Variants in FBP1 observed in about 807,000 individuals in gnomAD.
FBP1 encodes fructose-bisphosphatase 1, also known as fructose-1,6-bisphosphatase 1.
In FBP1, 22 loss-of-function variants were observed where a neutral mutation model predicts 29.9. That is an observed-to-expected ratio of 0.74 (90% CI 0.53 to 1.05). The LOEUF (loss-of-function observed/expected upper bound fraction) is 1.05. Among genes scored for constraint, FBP1 ranks in the 50% least tolerant of loss-of-function variants. FBP1 has a pLI of 0.00. For synonymous variants in FBP1, 175 were observed against 178.6 expected (o/e 0.98, Z 0.16); for missense variants, 345 against 448.2 (o/e 0.77, Z 2.08).
rs542439801 is a variant in FBP1, at chr9:94,603,914, T to C, written c.826-342A>G. 714 of 363,228 alleles carry C rather than the reference T, an allele frequency of 2.0e-3. 17 individuals carry two copies. The highest frequency in any genetic ancestry group is 0.015 in the South Asian group (688 of 45,314). 22.5% of individuals were successfully genotyped at this position (363,228 alleles called of 1,614,324 possible). A position where few individuals can be genotyped will look rare whatever the true frequency, so the allele number is the denominator to read the frequency against. On this transcript the variant is annotated intron_variant, in intron 6 of 6. Coordinates refer to ENST00000375326, the MANE Select transcript of FBP1 (RefSeq NM_000507.4). The stretch of plus-strand genomic sequence containing the variant: ...TACCATGGAAACTGGACTTAATGAG[T>C]GATTCTGTGTGTGTTGGATGGAGCT...
intron 2 of FBP1, among the ~76,000 whole-genome samples, chr9:94,618,573 A>C (rs1827898002): frequency 6.6e-6 from 1 of 151,440 alleles, no homozygotes; most frequent in African/African-American, 2.4e-5. Flanking sequence ...TTGAGCCAGG[A>C]GTTCGAGGCT....
chr9:94,637,167 T>G (rs962793615), intron 1 of FBP1, among the ~76,000 whole-genome samples: 1 of 152,192 alleles, frequency 6.6e-6, no homozygotes, highest in Non-Finnish European at 1.5e-5. Flanking sequence ...GTCATCACCT[T>G]CCTTAACATG....
At chr9:94,618,520 C>A (rs1481195476) in intron 2 of FBP1, among the ~76,000 whole-genome samples, 1 of 146,856 alleles carries the variant, frequency 6.8e-6, no homozygotes, top group Non-Finnish European at 1.5e-5. Context: ...TGCTGCACAT[C>A]TGTAGTCCCA....
intron 3 of FBP1, among the ~76,000 whole-genome samples, chr9:94,611,576 G>A (rs1827786256): frequency 6.6e-6 from 1 of 152,098 alleles, no homozygotes; most frequent in Non-Finnish European, 1.5e-5. Context: ...AACACTGGGA[G>A]ACCCCATCTC....
At position 94,639,402 on chromosome 9, in the gene FBP1, CGCAGGTGCGGAGCTGCAGGTGCGGGCG is replaced by C; in HGVS notation, c.-119_-93del. Reference sequence around the variant, plus strand: ...GCAAGAGAGGGCAGTAGGCACTGGCCGCAGGTGCGGAGCTGCAGGTGCGGGCGGCAGGTGCGGGCCGCGGGACCTGGC... The same window carrying C: ...GCAAGAGAGGGCAGTAGGCACTGGCCGCAGGTGCGGGCCGCGGGACCTGGC... On this transcript the variant is annotated 5_prime_UTR_variant, in exon 1 of 7. Transcript: ENST00000375326. 1 of 1,432,556 alleles carries C rather than the reference CGCAGGTGCGGAGCTGCAGGTGCGGGCG, an allele frequency of 7.0e-7. No homozygotes were observed. The highest frequency in any genetic ancestry group is 9.6e-7 in the Non-Finnish European group (1 of 1,042,140). The allele number at this position is 1,432,556 out of a possible 1,614,324, so 88.7% of individuals were successfully genotyped here.
upstream of FBP1, chr9:94,639,607 C>A: frequency 1.9e-6 from 1 of 513,856 alleles, no homozygotes; most frequent in Non-Finnish European, 3.5e-6. Context: ...GCCTACCCCG[C>A]GGACCAGACC....
At chr9:94,628,112 C>T (rs1328975613) in intron 1 of FBP1, among the ~76,000 whole-genome samples, 1 of 152,222 alleles carries the variant, frequency 6.6e-6, no homozygotes, top group African/African-American at 2.4e-5. Context: ...GGTGGCCAGA[C>T]ACAGTGGCTC....
chr9:94,634,301 A>AC (rs1828158479), intron 1 of FBP1, among the ~76,000 whole-genome samples: 1 of 150,416 alleles, frequency 6.6e-6, no homozygotes, highest in African/African-American at 2.4e-5. Context: ...CTCAAAAAAA[A>AC]AAAAAAGAAA....
intron 1 of FBP1, among the ~76,000 whole-genome samples, chr9:94,624,376 G>C (rs561968521): frequency 6.7e-6 from 1 of 148,266 alleles, no homozygotes; most frequent in African/African-American, 2.5e-5. Context: ...AAATGGGCCA[G>C]GCACGGTGGC....
At position 94,610,041 on chromosome 9, in the gene FBP1, A is replaced by T; in HGVS notation, c.447T>A (p.Ser149=). The part of the protein sequence containing the change: ...IYRKKSTDEP[S]EKDALQPGRN... Reference sequence around the variant, plus strand: ...GGCCTGGTTGCAGAGCATCCTTCTCAGAAGGCTCATCAGTTGATTTCTAGA... The same window carrying T: ...GGCCTGGTTGCAGAGCATCCTTCTCTGAAGGCTCATCAGTTGATTTCTAGA... Residue 149 remains serine, a synonymous_variant, in exon 4 of 7, where the codon TCT becomes TCA. Transcript: ENST00000375326. The T allele has an allele frequency of 6.2e-7, 1 of 1,614,168 alleles. No individual in the cohort carries two copies. Among genetic ancestry groups the T allele is most frequent in the Non-Finnish European group, 8.5e-7 (1 of 1,180,004 alleles).
intron 1 of FBP1, among the ~76,000 whole-genome samples, chr9:94,635,540 A>T (rs1344978123): frequency 6.6e-6 from 1 of 152,218 alleles, no homozygotes; most frequent in African/African-American, 2.4e-5. Flanking sequence ...AGCACTAACA[A>T]GATCTTTGCA....
rs1423911392 is a variant in FBP1, at chr9:94,617,899, T to C, written c.334-39A>G. Reference sequence around the variant, plus strand: ...AAAGAAATACAACCTTAAAATGTTATAGCAAGATACACTAAAGGAGTATAC... The same window carrying C: ...AAAGAAATACAACCTTAAAATGTTACAGCAAGATACACTAAAGGAGTATAC... On this transcript the variant is annotated intron_variant, in intron 2 of 6. Coordinates refer to ENST00000375326, the MANE Select transcript of FBP1 (RefSeq NM_000507.4). 5.5e-6 allele frequency: 8 copies of C among 1,466,026 alleles called. No individual in the cohort carries two copies. The Admixed American group carries it at 6.7e-5, about 12-fold the overall frequency. 90.8% of individuals were successfully genotyped at this position (1,466,026 alleles called of 1,614,324 possible).
At chr9:94,610,866 CT>C (rs5899227) in intron 3 of FBP1, among the ~76,000 whole-genome samples, 8,568 of 143,778 alleles carry the variant, frequency 0.06, 796 homozygotes, top group African/African-American at 0.2. Flanking sequence ...TGATTTTCTT[CT>C]TTTTTTTTTT....
chr9:94,620,212 G>A (rs1483521542), intron 2 of FBP1, 117 bp downstream of exon 2: 3 of 998,900 alleles, frequency 3.0e-6, no homozygotes, highest in South Asian at 1.3e-5. Flanking sequence ...AAAGACCACA[G>A]CAGGGATCTA....
chr9:94,636,503 T>C (rs1387941069), intron 1 of FBP1, among the ~76,000 whole-genome samples: 3 of 151,668 alleles, frequency 2.0e-5, no homozygotes, highest in Non-Finnish European at 4.4e-5. Context: ...ATAAAACGCA[T>C]ACCTTACGTA....
upstream of FBP1, chr9:94,639,582 A>G: frequency 1.8e-6 from 1 of 562,386 alleles, no homozygotes; most frequent in Non-Finnish European, 3.2e-6. Context: ...GCCCCCGGGA[A>G]CACTCTTGCG....
At chr9:94,639,071 C>T in intron 1 of FBP1, 70 bp downstream of exon 1, 1 of 1,491,542 alleles carries the variant, frequency 6.7e-7, no homozygotes, top group Non-Finnish European at 9.1e-7. Context: ...GAGGGCCCAA[C>T]GTCAGCCCGC....
chr9:94,639,730 C>CCCCA (rs28382858), upstream of FBP1, among the ~76,000 whole-genome samples: 1 of 149,668 alleles, frequency 6.7e-6, no homozygotes, highest in Admixed American at 6.6e-5. Flanking sequence ...TGTCGCCCCC[C>CCCCA]ACACACACCC....
chr9:94,628,985 T>G (rs1043344397), intron 1 of FBP1, among the ~76,000 whole-genome samples: 1 of 152,322 alleles, frequency 6.6e-6, no homozygotes, highest in East Asian at 1.9e-4. Context: ...TTTGTTGTTG[T>G]TTTTTGTTTG....
Sources: gnomAD v4.1 joint callset for allele counts (sites outside exome capture counted in the v4.1 genomes callset) on GRCh38, gnomAD v4.1.1 for gene constraint, MANE v1.5 for transcripts, NCBI Gene and HGNC (gene_info 2026-07-23, HGNC 2026-07-21) for gene names.